OTOF: variants seen among roughly 807,000 people sequenced by gnomAD.
The protein encoded by OTOF is otoferlin.
In OTOF, 218 loss-of-function variants were observed where a neutral mutation model predicts 236.8. The ratio of observed to expected loss-of-function variants is 0.92; its 90% CI spans 0.82 to 1.03. The LOEUF (loss-of-function observed/expected upper bound fraction) is 1.03. OTOF is among the 50% of genes least tolerant of loss of function. OTOF has a pLI of 0.00. For missense variants in OTOF, 2,590 were observed against 2,694.4 expected (o/e 0.96, Z 0.86); for synonymous variants, 1,041 against 1,072.5 (o/e 0.97, Z 0.57).
chr2:26,474,435 G>C, intron 26 of OTOF, 78 bp downstream of exon 26: 1 of 627,112 alleles, frequency 1.6e-6, no homozygotes, highest in Non-Finnish European at 2.4e-6. Context: ...CCAGCCTTCA[G>C]GGTCCAGCCC....
At chr2:26,555,710 G>A (rs112720016) in intron 1 of OTOF, among the ~76,000 whole-genome samples, 1 of 152,154 alleles carries the variant, frequency 6.6e-6, no homozygotes, top group African/African-American at 2.4e-5. Context: ...CTGGCAGACT[G>A]GAACCCCTTA....
intron 13 of OTOF, among the ~76,000 whole-genome samples, chr2:26,483,188 C>A (rs992392863): frequency 6.7e-6 from 1 of 149,388 alleles, no homozygotes; most frequent in African/African-American, 2.5e-5. Flanking sequence ...GGTATGCGTG[C>A]GTGTATGAGT....
At chr2:26,497,089 CTTTTTTTTTTTTTTT>C (rs201349303) in intron 8 of OTOF, among the ~76,000 whole-genome samples, 35,143 of 99,198 alleles carry the variant, frequency 0.35, 6,337 homozygotes, top group East Asian at 0.62. Context: ...GTACATTCTT[CTTTTTTTTTTTTTTT>C]TTTTTTTTTT....
rs781281962 is a variant in OTOF, at chr2:26,460,769, C to T, written c.5713-22G>A. 3 of 1,613,528 alleles carry T rather than the reference C, an allele frequency of 1.9e-6. No individual in the cohort carries two copies. In the African/African-American group the frequency reaches 4.0e-5, roughly 22 times the overall value. On this transcript the variant is annotated intron_variant, in intron 44 of 46. Transcript: ENST00000272371. The surrounding 1 kb of genome is among the most constrained non-coding windows in gnomAD (Gnocchi z 5.3). ...TGCCCTGCAGAGGACAGACAGGTCCCAGCGTCCAGGCTGCGTGCTGGGCCC... is the reference window on the plus strand; with the variant it reads ...TGCCCTGCAGAGGACAGACAGGTCCTAGCGTCCAGGCTGCGTGCTGGGCCC...
chr2:26,466,134 C>T, intron 36 of OTOF, 58 bp from the exon 37 acceptor site: 2 of 1,609,120 alleles, frequency 1.2e-6, no homozygotes, highest in Non-Finnish European at 1.7e-6. Flanking sequence ...ATCTTCAGTG[C>T]CCCTGCCAGG....
Position 26,479,279 on chromosome 2 carries a change from G to A in OTOF, c.2199C>T (p.His733=). 6.2e-7 allele frequency: 1 copy of A among 1,612,930 alleles called. No homozygotes were observed. The highest frequency in any genetic ancestry group is 8.5e-7 in the Non-Finnish European group (1 of 1,179,972). Residue 733 remains histidine (H), a synonymous_variant, in exon 18 of 47, where the codon CAC becomes CAT. Coordinates refer to ENST00000272371, the MANE Select transcript of OTOF (RefSeq NM_194248.3). The part of the protein sequence containing the change: ...RRLYNANIMD[H]IADKLEEGLN... ...TGGCCCTGACCAGCTTGTCGGCAAT[G>A]TGGTCCATGATGTTGGCATTGTAGA...
Position 26,475,979 on chromosome 2 carries a change from C to G in OTOF, c.2926G>C (p.Asp976His). 6.2e-7 allele frequency: 1 copy of G among 1,612,510 alleles called. No individual in the cohort carries two copies. The highest frequency in any genetic ancestry group is 8.5e-7 in the Non-Finnish European group (1 of 1,179,850). ...AAGGGGTCTGAGAGTCCGCTGCTGT[C>G]GGCGGCAAAGAGGCTGCGGGCCTGG... ...MYQARSLFAADSSGLSDPFAR... is the reference protein window; with the variant it reads ...MYQARSLFAAHSSGLSDPFAR... The change falls in exon 24 of 47, where the codon GAC (aspartate) becomes CAC (histidine). Residue 976 changes from aspartate (D) to histidine (H), a missense_variant. Physicochemically the swap from Asp to His is moderately conservative, Grantham distance 81 (BLOSUM62 -1). Coordinates refer to ENST00000272371, the MANE Select transcript of OTOF (RefSeq NM_194248.3).
At chr2:26,489,795 G>T in intron 9 of OTOF, 55 bp from the exon 10 acceptor site, 1 of 1,336,692 alleles carries the variant, frequency 7.5e-7, no homozygotes, top group Non-Finnish European at 1.1e-6. Context: ...CAACAGCCCA[G>T]GCAGTGTTGG....
intron 5 of OTOF, among the ~76,000 whole-genome samples, chr2:26,514,131 G>C (rs1666458810): frequency 6.6e-6 from 1 of 152,250 alleles, no homozygotes; most frequent in Non-Finnish European, 1.5e-5. Flanking sequence ...GCATGGCTAG[G>C]CCTGGCGGGA....
rs1353820549 is a variant in OTOF, at chr2:26,473,220, G to A, written c.3645C>T (p.Tyr1215=). 4 of 1,613,332 alleles carry A rather than the reference G, an allele frequency of 2.5e-6. No homozygotes were observed. Among genetic ancestry groups the A allele is most frequent in the Non-Finnish European group, 3.4e-6 (4 of 1,180,000 alleles). The change falls in exon 29 of 47, where the codon TAC becomes TAT. Residue 1215 remains tyrosine, a synonymous_variant. Transcript: ENST00000272371. This position sits in a 1 kb window ranked among gnomAD's most constrained non-coding sequence, Gnocchi z 7.2. ...RVVDCRAFGR[Y]TLVGSHAVSS... Reference sequence around the variant, plus strand: ...TGACGGCATGGGAGCCCACCAGTGTGTAGCGACCGAAGGCCCGGCAGTCCA... The same window carrying A: ...TGACGGCATGGGAGCCCACCAGTGTATAGCGACCGAAGGCCCGGCAGTCCA...
intron 2 of OTOF, among the ~76,000 whole-genome samples, chr2:26,536,856 T>C (rs772859072): frequency 1.3e-5 from 2 of 152,166 alleles, no homozygotes; most frequent in Non-Finnish European, 2.9e-5. Flanking sequence ...GAGGGGAATA[T>C]AGATTCTGGA....
Position 26,462,215 on chromosome 2 carries a change from C to A in OTOF, c.5193-34G>T, listed in dbSNP as rs764144025. On this transcript the variant is annotated intron_variant, in intron 41 of 46. Coordinates refer to ENST00000272371, the MANE Select transcript of OTOF (RefSeq NM_194248.3). The surrounding 1 kb of genome is among the most constrained non-coding windows in gnomAD (Gnocchi z 4.7). ...AGGGAGAGAAGGCTGGTTAGCAGCC[C>A]CAGGTGGGGGTTATGCCAGGGTGCC... The A allele has an allele frequency of 1.9e-5, 30 of 1,581,770 alleles. No homozygotes were observed. Among genetic ancestry groups the A allele is most frequent in the Non-Finnish European group, 2.6e-5 (30 of 1,150,852 alleles).
chr2:26,486,373 C>T (rs945381745), intron 11 of OTOF, among the ~76,000 whole-genome samples: 16 of 111,182 alleles, frequency 1.4e-4, no homozygotes, highest in African/African-American at 2.9e-4. Context: ...TGGATTGGTG[C>T]GTGAATGGAT....
chr2:26,553,187 A>G (rs1175991285), intron 1 of OTOF, among the ~76,000 whole-genome samples: 1 of 152,050 alleles, frequency 6.6e-6, no homozygotes, highest in African/African-American at 2.4e-5. Flanking sequence ...CAGCAGGCCC[A>G]CTGCTCCCTC....
At chr2:26,539,921 T>C (rs571171503) in intron 1 of OTOF, among the ~76,000 whole-genome samples, 7 of 152,258 alleles carry the variant, frequency 4.6e-5, no homozygotes, top group African/African-American at 1.7e-4. Context: ...ATTTTTGCAA[T>C]TGAAAGACAA....
intron 1 of OTOF, among the ~76,000 whole-genome samples, chr2:26,554,898 T>C (rs142370507): frequency 6.6e-6 from 1 of 152,256 alleles, no homozygotes; most frequent in African/African-American, 2.4e-5. Context: ...TGTTCTTATC[T>C]CACACAGAAA....
chr2:26,477,801 C>T lies in OTOF; in HGVS notation c.2215-52G>A, dbSNP rs866186642. Reference sequence around the variant, plus strand: ...TGGGCCACAGCCCCGCCTCCCCAGCCTCCCCAAATGCCTCCTCCCTGTTGA... The same window carrying T: ...TGGGCCACAGCCCCGCCTCCCCAGCTTCCCCAAATGCCTCCTCCCTGTTGA... On this transcript the variant is annotated intron_variant, in intron 18 of 46. Transcript: ENST00000272371. This position sits in a 1 kb window ranked among gnomAD's most constrained non-coding sequence, Gnocchi z 4.7. 6.2e-7 allele frequency: 1 copy of T among 1,604,522 alleles called. No homozygotes were observed. The highest frequency in any genetic ancestry group is 1.7e-5 in the Admixed American group (1 of 58,700).
At chr2:26,507,522 G>A (rs1218758435) in intron 5 of OTOF, among the ~76,000 whole-genome samples, 1 of 152,232 alleles carries the variant, frequency 6.6e-6, no homozygotes. Context: ...GTAATTTGCT[G>A]TTGAGGTGTC....
chr2:26,537,451 G>A (rs1230610838), intron 2 of OTOF, among the ~76,000 whole-genome samples: 2 of 152,232 alleles, frequency 1.3e-5, no homozygotes, highest in African/African-American at 4.8e-5. Context: ...ACCCAGCAGG[G>A]CCGTCGAGGT....
Sources: gnomAD v4.1 joint callset for allele counts (sites outside exome capture counted in the v4.1 genomes callset) on GRCh38, gnomAD v4.1.1 for gene constraint, Gnocchi (gnomAD v3.1) non-coding constraint, MANE v1.5 for transcripts, NCBI Gene and HGNC (gene_info 2026-07-23, HGNC 2026-07-21) for gene names.